The following LAMA5 variants were observed in gnomAD, a reference collection of about 807,000 sequenced individuals.
LAMA5 encodes laminin subunit alpha-5.
Under a neutral mutation model 433.4 loss-of-function variants are expected in LAMA5, and 260 were observed. That is an observed-to-expected ratio of 0.60 (90% confidence interval 0.54 to 0.66). The LOEUF is 0.66. Ranked by LOEUF, LAMA5 falls within the 30% of genes least tolerant of loss-of-function variation. The pLI is 0.00. For missense variants in LAMA5, 5,378 were observed against 5,258.5 expected (o/e 1.02, Z -0.70); for synonymous variants, 2,620 against 2,226.6 (o/e 1.18, Z -4.97).
Position 62,337,822 on chromosome 20 carries a change from C to T in LAMA5, c.2008G>A (p.Gly670Ser), listed in dbSNP as rs201258883. Residue 670 changes from glycine (G) to serine (S), a missense_variant, in exon 15 of 80, where the codon GGC (glycine) becomes AGC (serine). Transcript: ENST00000252999. The part of the protein sequence containing the change: ...ACQECSPGFH[G>S]FPSCVPCHCS... ...CACTCACGGACACAGCTGGGGAAGC[C>T]GTGAAAGCCGGGGCTGCATTCCTGG... 19 of 1,612,562 alleles carry T rather than the reference C, an allele frequency of 1.2e-5. No individual in the cohort carries two copies. Among genetic ancestry groups the T allele is most frequent in the East Asian group, 1.1e-4 (5 of 44,900 alleles).
At chr20:62,338,804 C>T (rs1397047320) in intron 11 of LAMA5, among the ~76,000 whole-genome samples, 196 bp from the exon 12 acceptor site, 1 of 152,116 alleles carries the variant, frequency 6.6e-6, no homozygotes, top group African/African-American at 2.4e-5. Flanking sequence ...TTTGGGAGGC[C>T]GAGGCGGGCA....
At chr20:62,353,611 G>T (rs1409825645) in intron 2 of LAMA5, among the ~76,000 whole-genome samples, 2 of 152,158 alleles carry the variant, frequency 1.3e-5, no homozygotes, top group African/African-American at 4.8e-5. Context: ...TGCGGCCCAG[G>T]CAGGGACTGG....
In LAMA5 at chr20:62,312,493, G is replaced by A; in HGVS notation, c.9267C>T (p.Gly3089=). Residue 3089 remains glycine (G), a synonymous_variant, in exon 68 of 80, where the codon GGC becomes GGT. Transcript: ENST00000252999. ...CCAGGGCCTTGATGCCTTTGACGCA[G>A]CCACGGACTGAGCCTCCGGTGGGGA... The part of the protein sequence containing the change: ...RLFPTGGSVR[G]CVKGIKALGK... The A allele has an allele frequency of 6.3e-7, 1 of 1,598,694 alleles. No individual in the cohort carries two copies. The highest frequency in any genetic ancestry group is 8.5e-7 in the Non-Finnish European group (1 of 1,179,670).
At position 62,309,272 on chromosome 20, in the gene LAMA5, C is replaced by A; in HGVS notation, c.*64G>T. ...AGAGTCCAAATAGACACCTATGAGGCGAGCACAAGGGGCGGTGTGAGGCAG... is the reference window on the plus strand; with the variant it reads ...AGAGTCCAAATAGACACCTATGAGGAGAGCACAAGGGGCGGTGTGAGGCAG... On this transcript the variant is annotated 3_prime_UTR_variant, in exon 80 of 80. Coordinates refer to ENST00000252999, the MANE Select transcript of LAMA5 (RefSeq NM_005560.6). 1 of 1,528,404 alleles carries A rather than the reference C, an allele frequency of 6.5e-7. No homozygotes were observed. The highest frequency in any genetic ancestry group is 8.8e-7 in the Non-Finnish European group (1 of 1,131,534). The allele number at this position is 1,528,404 out of a possible 1,614,324, so 94.7% of individuals were successfully genotyped here.
At chr20:62,315,600 G>A (rs6062211) in intron 58 of LAMA5, among the ~76,000 whole-genome samples, 1 of 152,154 alleles carries the variant, frequency 6.6e-6, no homozygotes, top group African/African-American at 2.4e-5. Flanking sequence ...CACCGCCCAA[G>A]GTCTTGCCAG....
At chr20:62,312,838 C>A (rs748215742) in intron 66 of LAMA5, 50 bp downstream of exon 66, 17 of 1,601,882 alleles carry the variant, frequency 1.1e-5, no homozygotes. Context: ...GCCCCGCCCC[C>A]ATCGTTCCAT....
chr20:62,316,420 G>T, intron 57 of LAMA5: 1 of 526,496 alleles, frequency 1.9e-6, no homozygotes, highest in South Asian at 2.9e-5. Context: ...CTTGCCCTGT[G>T]CCCTGTGGCT....
intron 58 of LAMA5, 113 bp from the exon 59 acceptor site, chr20:62,315,320 G>T: frequency 1.2e-6 from 1 of 848,020 alleles, no homozygotes; most frequent in Non-Finnish European, 1.8e-6. Flanking sequence ...CCTATGGATC[G>T]TGTGAGACCC....
At position 62,310,561 on chromosome 20, in the gene LAMA5, C is replaced by T; in HGVS notation, c.10458G>A (p.Gly3486=). Reference sequence around the variant, plus strand: ...TCAGTCTCTTCACACAGCCGCTGAACCCGACGGTCACCTATAGGAGCAGAC... The same window carrying T: ...TCAGTCTCTTCACACAGCCGCTGAATCCGACGGTCACCTATAGGAGCAGAC... ...SHSSKLPVTV[G]FSGCVKRLRL... is the part of the protein sequence containing the mutation. Residue 3486 remains glycine, a synonymous_variant, in exon 76 of 80, where the codon GGG becomes GGA. Transcript: ENST00000252999. 1.3e-6 allele frequency: 2 copies of T among 1,548,682 alleles called. No individual in the cohort carries two copies.
In LAMA5 at chr20:62,320,571, C is replaced by A. The variant is rs780420622; in HGVS notation, c.6747G>T (p.Arg2249=). 1.9e-6 allele frequency: 3 copies of A among 1,596,714 alleles called. No individual in the cohort carries two copies. The highest frequency in any genetic ancestry group is 2.2e-5 in the East Asian group (1 of 44,574). The change falls in exon 50 of 80, where the codon CGG becomes CGT. Residue 2249 remains arginine (R), a synonymous_variant. Transcript: ENST00000252999. ...TTGGGGCTCCTGCCTGGCCGCCTAG[C>A]CGCCGTGCGTCCTGCCCGAGGCTTG... ...QSTSLGQDAR[R]LGGQAVGTRD... is the part of the protein sequence containing the mutation.
At chr20:62,347,623 G>C (rs188678904) in intron 6 of LAMA5, among the ~76,000 whole-genome samples, 50 of 152,352 alleles carry the variant, frequency 3.3e-4, no homozygotes, top group African/African-American at 1.2e-3. Context: ...CTAAGTCACA[G>C]GGCTGGAATC....
At chr20:62,329,372 AGCC>A (rs1979923954) in intron 32 of LAMA5, 119 bp from the exon 33 acceptor site, 1 of 569,708 alleles carries the variant, frequency 1.8e-6, no homozygotes, top group Non-Finnish European at 2.9e-6. Flanking sequence ...GCAGCAGCCC[AGCC>A]CAGCCCAGCC....
At chr20:62,343,859 A>G (rs139742555) in intron 11 of LAMA5, among the ~76,000 whole-genome samples, 3 of 151,572 alleles carry the variant, frequency 2.0e-5, no homozygotes, top group Non-Finnish European at 4.4e-5. Flanking sequence ...ATGACACAAT[A>G]TCGTGCCAGG....
chr20:62,365,941 T>A (rs777009134), intron 1 of LAMA5, among the ~76,000 whole-genome samples: 6 of 152,112 alleles, frequency 3.9e-5, no homozygotes, highest in Non-Finnish European at 7.4e-5. Flanking sequence ...GGCTCCTCCA[T>A]TCATCCCCAT....
At chr20:62,344,259 A>G (rs1983030685) in intron 11 of LAMA5, among the ~76,000 whole-genome samples, 1 of 151,786 alleles carries the variant, frequency 6.6e-6, no homozygotes, top group Non-Finnish European at 1.5e-5. Context: ...AACCCTACCA[A>G]CTAGACTGTG....
At position 62,309,320 on chromosome 20, in the gene LAMA5, C is replaced by T. The variant is rs773700773; in HGVS notation, c.*16G>A. The T allele has an allele frequency of 6.7e-5, 107 of 1,589,938 alleles. 1 individual carries two copies. The East Asian group carries it at 9.0e-4, about 13-fold the overall frequency. ...CAGCTGCAGGGGCCTGACCAGGGGC[C>T]GGGGTTGGCTGTGTCCTAGGCGGCT... On this transcript the variant is annotated 3_prime_UTR_variant, in exon 80 of 80. Transcript: ENST00000252999.
At position 62,309,250 on chromosome 20, in the gene LAMA5, G is replaced by C. The variant is rs1214360077; in HGVS notation, c.*86C>G. 1.5e-6 allele frequency: 2 copies of C among 1,344,558 alleles called. No homozygotes were observed. Among genetic ancestry groups the C allele is most frequent in the Non-Finnish European group, 2.0e-6 (2 of 987,772 alleles). The allele number at this position is 1,344,558 out of a possible 1,614,324, so 83.3% of individuals were successfully genotyped here. ...AGATCTGTCACCCGTAGAGCTTAGA[G>C]TCCAAATAGACACCTATGAGGCGAG... is the stretch of plus-strand genomic sequence containing the variant. On this transcript the variant is annotated 3_prime_UTR_variant, in exon 80 of 80. Coordinates refer to ENST00000252999, the MANE Select transcript of LAMA5 (RefSeq NM_005560.6).
Position 62,315,017 on chromosome 20 carries a change from C to A in LAMA5, c.8047+11G>T. The A allele has an allele frequency of 6.3e-7, 1 of 1,585,152 alleles. No individual in the cohort carries two copies. The highest frequency in any genetic ancestry group is 8.5e-7 in the Non-Finnish European group (1 of 1,171,030). On this transcript the variant is annotated intron_variant, in intron 59 of 79. Transcript: ENST00000252999. ...CCTCCATCAGGGGCACCGCGAGGGC[C>A]ATGGGCGCACCTGAGTGGCCTGCGT...
At chr20:62,313,502 C>T in intron 63 of LAMA5, 42 bp from the exon 64 acceptor site, 2 of 1,566,792 alleles carry the variant, frequency 1.3e-6, no homozygotes, top group Admixed American at 1.9e-5. Flanking sequence ...GCCTGAGGCG[C>T]CTCCCCTCCA....
Sources: gnomAD v4.1 joint callset for allele counts (sites outside exome capture counted in the v4.1 genomes callset) on GRCh38, gnomAD v4.1.1 for gene constraint, MANE v1.5 for transcripts, NCBI Gene and HGNC (gene_info 2026-07-23, HGNC 2026-07-21) for gene names.